TXNRD1: variants seen among roughly 807,000 people sequenced by gnomAD.
TXNRD1 encodes thioredoxin reductase 1, cytoplasmic.
TXNRD1 carries 57 observed loss-of-function variants against 80.3 expected under a neutral mutation model. The ratio of observed to expected loss-of-function variants is 0.71; its 90% confidence interval spans 0.57 to 0.89. The LOEUF (loss-of-function observed/expected upper bound fraction) is 0.89, where lower values mean the gene tolerates loss of function less well. Among genes scored for constraint, TXNRD1 ranks in the 40% least tolerant of loss-of-function variants. The probability of loss-of-function intolerance (pLI) is 0.00; values close to 1 mark genes in which losing one functional copy is unlikely to be tolerated. For synonymous variants in TXNRD1, 291 were observed against 285.2 expected (o/e 1.02, Z -0.20); for missense variants, 730 against 803.0 (o/e 0.91, Z 1.10).
intron 4 of TXNRD1, among the ~76,000 whole-genome samples, chr12:104,294,690 A>T (rs1244059496): frequency 6.6e-6 from 1 of 152,136 alleles, no homozygotes; most frequent in African/African-American, 2.4e-5. Context: ...GGCTGGTCTC[A>T]AAACTCGTGA....
chr12:104,323,302 C>T (rs2035609151), intron 10 of TXNRD1, among the ~76,000 whole-genome samples: 2 of 150,592 alleles, frequency 1.3e-5, no homozygotes, highest in Non-Finnish European at 1.5e-5. Context: ...CTGGCCCGTT[C>T]TCAATGAGCT....
Position 104,311,334 on chromosome 12 carries a change from C to A in TXNRD1, c.459C>A (p.Gly153=). The A allele has an allele frequency of 6.2e-7, 1 of 1,611,746 alleles. No homozygotes were observed. Among genetic ancestry groups the A allele is most frequent in the Non-Finnish European group, 8.5e-7 (1 of 1,178,846 alleles). ...GRLQKLLKMN[G]PEDLPKSYDY... is the part of the protein sequence containing the mutation. The stretch of plus-strand genomic sequence containing the variant: ...TTCAAAAGCTACTAAAAATGAACGG[C>A]CCTGAAGATCTTCCCAAGTCCTATG... The change falls in exon 5 of 17, where the codon GGC becomes GGA. Residue 153 remains glycine, a synonymous_variant. Coordinates refer to ENST00000525566, the MANE Select transcript of TXNRD1 (RefSeq NM_001093771.3).
intron 3 of TXNRD1, among the ~76,000 whole-genome samples, chr12:104,270,916 AG>A (rs904552260): frequency 2.4e-4 from 36 of 151,964 alleles, no homozygotes; most frequent in East Asian, 2.1e-3. Flanking sequence ...TGGGAGGCCG[AG>A]GGGGGTGGAT....
At chr12:104,250,341 G>C (rs1229274540) in intron 1 of TXNRD1, among the ~76,000 whole-genome samples, 1 of 152,054 alleles carries the variant, frequency 6.6e-6, no homozygotes, top group Non-Finnish European at 1.5e-5. Context: ...TTTGGAATAG[G>C]CAATAGTTTC....
At chr12:104,313,449 A>AGT in intron 6 of TXNRD1, 132 bp downstream of exon 6, 1 of 643,646 alleles carries the variant, frequency 1.6e-6, no homozygotes, top group South Asian at 2.4e-5. Context: ...CAAAACATAT[A>AGT]TATCTTTTAT....
chr12:104,307,287 C>T (rs1265911896), intron 4 of TXNRD1, among the ~76,000 whole-genome samples: 2 of 152,138 alleles, frequency 1.3e-5, no homozygotes, highest in East Asian at 3.8e-4. Context: ...GCTAGTCTGT[C>T]TATATACTGG....
intron 4 of TXNRD1, among the ~76,000 whole-genome samples, chr12:104,290,720 C>CATATATATATATATATATATAT (rs58669975): frequency 5.4e-5 from 3 of 55,872 alleles, no homozygotes; most frequent in Non-Finnish European, 6.8e-5. Flanking sequence ...AAGAAATATA[C>CATATATATATATATATATATAT]ATATATATAT....
At chr12:104,232,392 A>C (rs1424886982) in intron 1 of TXNRD1, among the ~76,000 whole-genome samples, 1 of 152,044 alleles carries the variant, frequency 6.6e-6, no homozygotes, top group Non-Finnish European at 1.5e-5. Flanking sequence ...GAAACCCCTC[A>C]TCTCTACTAA....
Position 104,319,884 on chromosome 12 carries a change from G to C in TXNRD1, c.989+299G>C, listed in dbSNP as rs577159153. ...TATTTATGCATGTATGAGTATGAAA[G>C]TATGTAATAAAACCAAATGGATATT... On this transcript the variant is annotated intron_variant, in intron 9 of 16. Coordinates refer to ENST00000525566, the MANE Select transcript of TXNRD1 (RefSeq NM_001093771.3). Among the ~76,000 whole-genome samples, 6 of 152,366 alleles carry C rather than the reference G, an allele frequency of 3.9e-5. No individual in the cohort carries two copies. In the South Asian group the frequency reaches 1.2e-3, roughly 32 times the overall value.
chr12:104,326,686 G>C (rs999862034), intron 12 of TXNRD1, among the ~76,000 whole-genome samples: 1 of 151,982 alleles, frequency 6.6e-6, no homozygotes, highest in Non-Finnish European at 1.5e-5. Flanking sequence ...GGCTGGTGTC[G>C]AACTCCTGAC....
intron 3 of TXNRD1, among the ~76,000 whole-genome samples, chr12:104,283,798 A>G (rs2033925605): frequency 6.6e-6 from 1 of 152,118 alleles, no homozygotes; most frequent in Non-Finnish European, 1.5e-5. Flanking sequence ...GGAACCTGAG[A>G]GGCGGAGGCT....
chr12:104,299,849 T>C lies in TXNRD1; in HGVS notation c.414+10809T>C, dbSNP rs142373333. On this transcript the variant is annotated intron_variant, in intron 4 of 16. Coordinates refer to ENST00000525566, the MANE Select transcript of TXNRD1 (RefSeq NM_001093771.3). ...ATTCTGGCAAATCAAACTAGGAATT[T>C]TACCACATTTCTTCACAACTCAATA... Among the ~76,000 whole-genome samples, 1,058 of 152,228 alleles carry C rather than the reference T, an allele frequency of 7.0e-3. 13 individuals carry two copies. The highest frequency in any genetic ancestry group is 0.024 in the African/African-American group (977 of 41,542).
chr12:104,215,993 G>GC (rs1286039139), intron 1 of TXNRD1, 100 bp downstream of exon 1: 27 of 1,017,306 alleles, frequency 2.7e-5, no homozygotes, highest in Non-Finnish European at 3.5e-5. Context: ...TGGCCTTGAA[G>GC]CCCCTCACTG....
chr12:104,271,136 C>CAGAAA (rs904602426), intron 3 of TXNRD1, among the ~76,000 whole-genome samples: 4 of 151,246 alleles, frequency 2.6e-5, no homozygotes, highest in Non-Finnish European at 4.4e-5. Context: ...CAGGCTGAGT[C>CAGAAA]AGAAAAGAGA....
chr12:104,336,926 A>G (rs2036158377), intron 15 of TXNRD1, among the ~76,000 whole-genome samples: 1 of 148,216 alleles, frequency 6.7e-6, no homozygotes, highest in Non-Finnish European at 1.5e-5. Context: ...TGTAGATACC[A>G]TGCTATTAAC....
chr12:104,290,511 G>A (rs141736615), intron 4 of TXNRD1, among the ~76,000 whole-genome samples: 3 of 151,284 alleles, frequency 2.0e-5, no homozygotes, highest in Non-Finnish European at 2.9e-5. Flanking sequence ...TGGGCAACAC[G>A]GTGAAACCCC....
At chr12:104,277,051 C>T (rs140744053) in intron 3 of TXNRD1, among the ~76,000 whole-genome samples, 1,680 of 151,952 alleles carry the variant, frequency 0.011, 27 homozygotes, top group African/African-American at 0.039. Flanking sequence ...AGTTTGATAC[C>T]AGCCTGGGCA....
At chr12:104,343,742 A>C (rs2036400847) in intron 16 of TXNRD1, among the ~76,000 whole-genome samples, 2 of 152,098 alleles carry the variant, frequency 1.3e-5, no homozygotes, top group Admixed American at 1.3e-4. Context: ...CAGAGGTTGT[A>C]CTGAGCCAAG....
At position 104,339,250 on chromosome 12, in the gene TXNRD1, G is replaced by A. The variant is rs746550669; in HGVS notation, c.1858G>A (p.Gly620Arg). 4 of 1,613,804 alleles carry A rather than the reference G, an allele frequency of 2.5e-6. No homozygotes were observed. The highest frequency in any genetic ancestry group is 3.4e-6 in the Non-Finnish European group (4 of 1,179,876). Residue 620 changes from glycine (G) to arginine (R), a missense_variant, in exon 16 of 17, where the codon GGA becomes AGA. Physicochemically the swap from Gly to Arg is moderately radical, Grantham distance 125. Transcript: ENST00000525566. ...LTKKQLDSTI[G>R]IHPVCAEVFT... ...CAAAAAGCAGCTGGACAGCACAATTGGAATCCACCCTGTCTGTGCAGAGGT... is the reference window on the plus strand; with the variant it reads ...CAAAAAGCAGCTGGACAGCACAATTAGAATCCACCCTGTCTGTGCAGAGGT...
Sources: allele counts gnomAD v4.1 joint callset (sites outside exome capture counted in the v4.1 genomes callset), GRCh38; gene constraint gnomAD v4.1.1; transcripts MANE v1.5; gene names NCBI Gene and HGNC (gene_info 2026-07-23, HGNC 2026-07-21).